The following RNF144A variants were observed in gnomAD, a reference collection of about 807,000 sequenced individuals.
RNF144A encodes ring finger protein 144A, also known as E3 ubiquitin-protein ligase RNF144A.
In RNF144A, 11 loss-of-function variants were observed where a neutral mutation model predicts 38.7. The observed-to-expected ratio is 0.28, with a 90% CI of 0.18 to 0.47. The LOEUF (loss-of-function observed/expected upper bound fraction) is 0.47, where lower values mean the gene tolerates loss of function less well. Ranked by LOEUF, RNF144A falls within the 20% of genes least tolerant of loss-of-function variation. The probability of loss-of-function intolerance (pLI) is 0.99; values close to 1 mark genes in which losing one functional copy is unlikely to be tolerated. For missense variants in RNF144A, 316 were observed against 377.2 expected (o/e 0.84, Z 1.34); for synonymous variants, 149 against 143.9 (o/e 1.04, Z -0.25).
chr2:6,954,333 C>A (rs888656567), intron 2 of RNF144A, among the ~76,000 whole-genome samples: 1 of 151,880 alleles, frequency 6.6e-6, no homozygotes, highest in South Asian at 2.1e-4. Flanking sequence ...GTAGACAGCA[C>A]TGATATTTTC....
At position 6,949,305 on chromosome 2, in the gene RNF144A, T is replaced by C. The variant is rs950457708; in HGVS notation, c.-12+8158T>C. Among the ~76,000 whole-genome samples, 11 of 151,440 alleles carry C rather than the reference T, an allele frequency of 7.3e-5. 2 individuals are homozygous for C. The highest frequency in any genetic ancestry group is 7.2e-4 in the Admixed American group (11 of 15,224). ...GGTTTGTATATAAATGTTTCCAGGATGGGGAAAAAAAAATCACATTTCAGA... is the reference window on the plus strand; with the variant it reads ...GGTTTGTATATAAATGTTTCCAGGACGGGGAAAAAAAAATCACATTTCAGA... On this transcript the variant is annotated intron_variant, in intron 2 of 8. Transcript: ENST00000320892.
rs1358829911 is a variant in RNF144A, at chr2:7,050,624, T to C, written c.735-17592T>C. ...TTGTGATGCTTCTGTTGAAAACCAT[T>C]GAGAGCCTTCTGCTTCCTGTGTCGT... On this transcript the variant is annotated intron_variant, in intron 6 of 6. Transcript: ENST00000432850. Among the ~76,000 whole-genome samples, 6 of 152,196 alleles carry C rather than the reference T, an allele frequency of 3.9e-5. No homozygotes were observed. In the East Asian group the frequency reaches 1.2e-3, roughly 29 times the overall value.
At chr2:6,962,000 A>T (rs1667376640) in intron 2 of RNF144A, among the ~76,000 whole-genome samples, 1 of 152,248 alleles carries the variant, frequency 6.6e-6, no homozygotes, top group Non-Finnish European at 1.5e-5. Flanking sequence ...GGACACGGAC[A>T]TACGAAGAGT....
chr2:6,959,608 G>A (rs908297499), intron 2 of RNF144A, among the ~76,000 whole-genome samples: 1 of 152,144 alleles, frequency 6.6e-6, no homozygotes. Flanking sequence ...ACAGCAGAAG[G>A]CATCACAGGA....
intron 1 of RNF144A, chr2:6,918,725 C>G (rs1664318666): frequency 7.9e-6 from 1 of 127,306 alleles, no homozygotes; most frequent in Non-Finnish European, 1.6e-5. Flanking sequence ...GATCGCGCCA[C>G]AGCACTCCCG....
At chr2:7,006,685 C>A (rs1572387101) in intron 3 of RNF144A, among the ~76,000 whole-genome samples, 1 of 152,178 alleles carries the variant, frequency 6.6e-6, no homozygotes, top group African/African-American at 2.4e-5. Context: ...TCTCCATGGC[C>A]ACCTCCCCAA....
At chr2:7,068,351 A>C, downstream of RNF144A, 1 of 786,308 alleles carries the variant, frequency 1.3e-6, no homozygotes, top group South Asian at 1.4e-5. Flanking sequence ...GCACCGTGAA[A>C]CTTTATAGTG....
chr2:6,958,005 C>T lies in RNF144A; in HGVS notation c.-12+16858C>T, dbSNP rs551886008. Reference sequence around the variant, plus strand: ...ATCTTGGATTTGCCCAGTTAGGCAACGACAGAATGGGGTGGGGGAGTCGGG... The same window carrying T: ...ATCTTGGATTTGCCCAGTTAGGCAATGACAGAATGGGGTGGGGGAGTCGGG... On this transcript the variant is annotated intron_variant, in intron 2 of 8. Transcript: ENST00000320892. The surrounding 1 kb of genome is among the most constrained non-coding windows in gnomAD (Gnocchi z 4.5). 3.4e-4 allele frequency among the ~76,000 whole-genome samples: 52 copies of T among 152,168 alleles called. No individual in the cohort carries two copies. Among genetic ancestry groups the T allele is most frequent in the Non-Finnish European group, 6.0e-4 (41 of 68,020 alleles).
At chr2:6,972,626 T>C (rs1276775018) in intron 2 of RNF144A, among the ~76,000 whole-genome samples, 2 of 152,170 alleles carry the variant, frequency 1.3e-5, no homozygotes, top group South Asian at 2.1e-4. Context: ...CTTAGAGATT[T>C]ACTGTTTCGT....
chr2:7,003,636 C>A (rs904658440), intron 3 of RNF144A, among the ~76,000 whole-genome samples: 1 of 152,200 alleles, frequency 6.6e-6, no homozygotes, highest in Non-Finnish European at 1.5e-5. Flanking sequence ...ATAATGTTTG[C>A]ACAGTGACAG....
At chr2:6,989,847 A>T (rs1052344644) in intron 2 of RNF144A, among the ~76,000 whole-genome samples, 1 of 152,154 alleles carries the variant, frequency 6.6e-6, no homozygotes, top group Admixed American at 6.5e-5. Context: ...ATATAATTAG[A>T]ATCATACAGT....
intron 6 of RNF144A, among the ~76,000 whole-genome samples, chr2:7,022,163 G>C (rs1199805008): frequency 1.3e-5 from 2 of 152,218 alleles, no homozygotes; most frequent in Non-Finnish European, 2.9e-5. Context: ...TTGTCCCCTG[G>C]AACTGAGGCT....
At chr2:6,993,013 TG>T (rs1669493796) in intron 2 of RNF144A, among the ~76,000 whole-genome samples, 1 of 152,250 alleles carries the variant, frequency 6.6e-6, no homozygotes, top group South Asian at 2.1e-4. Context: ...TTTCTTTTAT[TG>T]TGCATTGTGA....
At chr2:6,973,665 A>G (rs551920971) in intron 2 of RNF144A, among the ~76,000 whole-genome samples, 1 of 152,328 alleles carries the variant, frequency 6.6e-6, no homozygotes, top group East Asian at 1.9e-4. Flanking sequence ...TCCAATATTT[A>G]CTAGAGAAAG....
intron 6 of RNF144A, among the ~76,000 whole-genome samples, chr2:7,061,826 ATATAT>A (rs1270245943): frequency 9.2e-5 from 14 of 152,356 alleles, no homozygotes; most frequent in African/African-American, 2.4e-4. Context: ...TGTTCTTTAG[ATATAT>A]TATATGATAG....
chr2:6,948,339 G>A (rs867813442), intron 2 of RNF144A, among the ~76,000 whole-genome samples: 1 of 152,234 alleles, frequency 6.6e-6, no homozygotes. Context: ...CGCAAGTTTG[G>A]ATCCTGCCCA....
intron 6 of RNF144A, among the ~76,000 whole-genome samples, chr2:7,049,932 G>A (rs760713471): frequency 6.6e-6 from 1 of 152,198 alleles, no homozygotes; most frequent in Non-Finnish European, 1.5e-5. Flanking sequence ...TTTTGGAAAC[G>A]CCAGGGGCAG....
intron 8 of RNF144A, among the ~76,000 whole-genome samples, chr2:7,032,483 A>C (rs180756384): frequency 2.3e-4 from 35 of 152,358 alleles, no homozygotes; most frequent in African/African-American, 7.9e-4. Flanking sequence ...CAGAATTCTG[A>C]AATCGAGGTG....
intron 3 of RNF144A, among the ~76,000 whole-genome samples, chr2:7,008,871 G>T (rs1347316127): frequency 6.6e-6 from 1 of 152,242 alleles, no homozygotes; most frequent in Non-Finnish European, 1.5e-5. Context: ...ACAAAAGCAG[G>T]TGCTCAGTGC....
Sources: allele counts gnomAD v4.1 joint callset (sites outside exome capture counted in the v4.1 genomes callset), GRCh38; gene constraint gnomAD v4.1.1; non-coding constraint Gnocchi (gnomAD v3.1); transcripts MANE v1.5; gene names NCBI Gene and HGNC (gene_info 2026-07-23, HGNC 2026-07-21).